The following TTBK2 variants were observed in gnomAD, a reference collection of about 807,000 sequenced individuals.
The protein encoded by TTBK2 is tau tubulin kinase 2.
A neutral mutation model predicts 110.8 loss-of-function variants in TTBK2; 28 were observed. The ratio of observed to expected loss-of-function variants is 0.25; its 90% CI spans 0.19 to 0.35. TTBK2 has a LOEUF of 0.35. Among genes scored for constraint, TTBK2 ranks in the 10% least tolerant of loss-of-function variants. The pLI is 1.00. For missense variants in TTBK2, 1,369 were observed against 1,500.3 expected (o/e 0.91, Z 1.45); for synonymous variants, 532 against 527.3 (o/e 1.01, Z -0.12).
intron 9 of TTBK2, among the ~76,000 whole-genome samples, chr15:42,808,592 G>C (rs1183618658): frequency 6.6e-6 from 1 of 151,930 alleles, no homozygotes; most frequent in Non-Finnish European, 1.5e-5. Flanking sequence ...CTTCATGCTG[G>C]CTATTTCAGC....
intron 9 of TTBK2, among the ~76,000 whole-genome samples, chr15:42,795,078 G>A (rs1038295098): frequency 1.3e-5 from 2 of 152,188 alleles, no homozygotes; most frequent in Non-Finnish European, 2.9e-5. Flanking sequence ...GCTAAAGGAT[G>A]TGTGTTGTGT....
At chr15:42,789,779 A>ATG (rs1047035816) in intron 10 of TTBK2, among the ~76,000 whole-genome samples, 3 of 151,210 alleles carry the variant, frequency 2.0e-5, no homozygotes, top group Admixed American at 6.6e-5. Flanking sequence ...ATAGTCCATT[A>ATG]TGTGTGTGTG....
intron 14 of TTBK2, among the ~76,000 whole-genome samples, chr15:42,750,233 C>T (rs1192050137): frequency 1.3e-5 from 2 of 152,006 alleles, no homozygotes; most frequent in African/African-American, 2.4e-5. Flanking sequence ...AAAGGATGGT[C>T]CATTCCAAGG....
In TTBK2 at chr15:42,909,237, G is replaced by C. The variant is rs146070323; in HGVS notation, c.-68+11201C>G. ...ACACACTACAGTCTCAAAGTCCTGC[G>C]CCTAAGCGATCCTCCTGCCTCGCCT... On this transcript the variant is annotated intron_variant, in intron 1 of 14. Transcript: ENST00000267890. 4.1e-4 allele frequency among the ~76,000 whole-genome samples: 62 copies of C among 152,272 alleles called. No homozygotes were observed. The East Asian group carries it at 0.012, about 28-fold the overall frequency.
chr15:42,888,917 A>C (rs1567079668), intron 1 of TTBK2, among the ~76,000 whole-genome samples: 3 of 152,020 alleles, frequency 2.0e-5, no homozygotes, highest in African/African-American at 7.2e-5. Context: ...GGTCACTCCT[A>C]TTTACTCTCC....
chr15:42,858,976 G>A (rs114438283), intron 3 of TTBK2, among the ~76,000 whole-genome samples: 3,203 of 152,208 alleles, frequency 0.021, 134 homozygotes, highest in African/African-American at 0.074. Flanking sequence ...GAAGAGAAAA[G>A]GAACCATTTT....
At chr15:42,889,940 T>C (rs1895388760) in intron 1 of TTBK2, among the ~76,000 whole-genome samples, 1 of 152,176 alleles carries the variant, frequency 6.6e-6, no homozygotes, top group Non-Finnish European at 1.5e-5. Flanking sequence ...ATTTTTCTTA[T>C]TAATATAAGA....
At chr15:42,909,812 A>G (rs2030643053) in intron 1 of TTBK2, among the ~76,000 whole-genome samples, 1 of 152,240 alleles carries the variant, frequency 6.6e-6, no homozygotes, top group East Asian at 1.9e-4. Flanking sequence ...AAGTCTATAA[A>G]GAAAAGCAAA....
intron 3 of TTBK2, among the ~76,000 whole-genome samples, chr15:42,864,177 T>C (rs1455831667): frequency 6.6e-6 from 1 of 152,202 alleles, no homozygotes; most frequent in East Asian, 1.9e-4. Context: ...ATTTGCAAAC[T>C]ATGTATCCTC....
At chr15:42,763,997 T>C (rs758181478) in intron 13 of TTBK2, among the ~76,000 whole-genome samples, 3 of 152,162 alleles carry the variant, frequency 2.0e-5, no homozygotes, top group Non-Finnish European at 2.9e-5. Context: ...ATCCAAAGAA[T>C]AGAAGCCCAG....
intron 7 of TTBK2, 85 bp downstream of exon 7, chr15:42,816,947 A>C (rs983624367): frequency 1.5e-6 from 1 of 648,742 alleles, no homozygotes; most frequent in Non-Finnish European, 2.1e-6. Context: ...TATATATATA[A>C]AATAATAATA....
At chr15:42,760,023 T>G (rs908627053) in intron 13 of TTBK2, among the ~76,000 whole-genome samples, 10 of 152,066 alleles carry the variant, frequency 6.6e-5, no homozygotes, top group Non-Finnish European at 8.8e-5. Flanking sequence ...GAAAAACAAT[T>G]CATGATTTCA....
chr15:42,844,143 C>A (rs1339643953), intron 3 of TTBK2, among the ~76,000 whole-genome samples: 1 of 152,142 alleles, frequency 6.6e-6, no homozygotes, highest in African/African-American at 2.4e-5. Flanking sequence ...GTGCAGCAGG[C>A]AAGAAGAACC....
intron 1 of TTBK2, among the ~76,000 whole-genome samples, chr15:42,913,438 G>A (rs2141216575): frequency 6.6e-6 from 1 of 152,172 alleles, no homozygotes; most frequent in Non-Finnish European, 1.5e-5. Flanking sequence ...AGGAGATCGA[G>A]ACCATCCTGA....
intron 1 of TTBK2, among the ~76,000 whole-genome samples, chr15:42,902,018 C>A (rs2030053405): frequency 6.6e-6 from 1 of 151,836 alleles, no homozygotes; most frequent in Non-Finnish European, 1.5e-5. Context: ...GAGTTCGAGA[C>A]CATCCTGGCC....
At chr15:42,807,640 T>C (rs957720535) in intron 9 of TTBK2, among the ~76,000 whole-genome samples, 17 of 152,152 alleles carry the variant, frequency 1.1e-4, no homozygotes, top group African/African-American at 3.9e-4. Flanking sequence ...TGTTACTATG[T>C]TGCCCAGGCT....
chr15:42,778,015 T>C (rs1314273473), intron 11 of TTBK2, among the ~76,000 whole-genome samples: 1 of 148,422 alleles, frequency 6.7e-6, no homozygotes, highest in Non-Finnish European at 1.5e-5. Flanking sequence ...ATTAATTAAT[T>C]AGCCAAAAAA....
intron 11 of TTBK2, among the ~76,000 whole-genome samples, chr15:42,781,824 CGGT>C (rs1282634174): frequency 6.6e-6 from 1 of 151,964 alleles, no homozygotes; most frequent in Non-Finnish European, 1.5e-5. Context: ...CCTAAGACAG[CGGT>C]TACCTCAGTG....
chr15:42,767,873 G>A (rs191184535), intron 13 of TTBK2, among the ~76,000 whole-genome samples: 22 of 152,218 alleles, frequency 1.4e-4, no homozygotes, highest in Middle Eastern at 3.4e-3. Context: ...ATAAAATACC[G>A]GCAAACCGAA....
Sources: allele counts gnomAD v4.1 joint callset (sites outside exome capture counted in the v4.1 genomes callset), GRCh38; gene constraint gnomAD v4.1.1; transcripts MANE v1.5; gene names NCBI Gene and HGNC (gene_info 2026-07-23, HGNC 2026-07-21).